NISCH: variants seen among roughly 807,000 people sequenced by gnomAD.
NISCH encodes I-1 receptor candidate protein.
In NISCH, 55 loss-of-function variants were observed where a neutral mutation model predicts 138.4. The observed-to-expected ratio is 0.40, with a 90% confidence interval of 0.32 to 0.50. NISCH has a LOEUF of 0.50. Ranked by LOEUF, NISCH falls within the 20% of genes least tolerant of loss-of-function variation. The pLI is 0.71. For missense variants in NISCH, 1,643 were observed against 2,005.5 expected (o/e 0.82, Z 3.45); for synonymous variants, 860 against 861.5 (o/e 1.00, Z 0.03).
At position 52,476,435 on chromosome 3, in the gene NISCH, G is replaced by T. The variant is rs778256025; in HGVS notation, c.766-12G>T. ...CCCGAGTGTGGTGCTCCACACAGAT[G>T]TTTTTATGCAGGAAGTCCTTGTTCC... On this transcript the variant is annotated splice_polypyrimidine_tract_variant and intron_variant, in intron 7 of 20. Transcript: ENST00000345716. The T allele has an allele frequency of 6.2e-7, 1 of 1,613,930 alleles. No individual in the cohort carries two copies. Among genetic ancestry groups the T allele is most frequent in the South Asian group, 1.1e-5 (1 of 91,082 alleles).
rs556456873 is a variant in NISCH, at chr3:52,479,117, C to T, written c.1302+540C>T. On this transcript the variant is annotated intron_variant, in intron 11 of 20. Transcript: ENST00000345716. ...ACCTCCCTCTTTGTGGCCGCAAGTG[C>T]CCCTTCCTCCACACAGTCACAAGAC... 3.9e-5 allele frequency among the ~76,000 whole-genome samples: 6 copies of T among 152,316 alleles called. No individual in the cohort carries two copies. The East Asian group carries it at 1.2e-3, about 29-fold the overall frequency.
intron 13 of NISCH, among the ~76,000 whole-genome samples, chr3:52,483,522 A>G (rs1208269687): frequency 6.6e-6 from 1 of 152,244 alleles, no homozygotes; most frequent in Non-Finnish European, 1.5e-5. Context: ...CTACGTTCAT[A>G]AAACAGCTTC....
At chr3:52,473,857 G>T (rs907067001) in intron 7 of NISCH, 28 bp downstream of exon 7, 1 of 1,505,808 alleles carries the variant, frequency 6.6e-7, no homozygotes. Flanking sequence ...CCTGCCTGGG[G>T]CAATGTCTGT....
At chr3:52,490,608 C>T in intron 18 of NISCH, 97 bp from the exon 19 acceptor site, 1 of 1,546,420 alleles carries the variant, frequency 6.5e-7, no homozygotes. Flanking sequence ...GAAGCCAGGC[C>T]AGCCAAGAGG....
intron 3 of NISCH, among the ~76,000 whole-genome samples, chr3:52,460,782 A>T (rs910012925): frequency 6.6e-6 from 1 of 152,224 alleles, no homozygotes; most frequent in Non-Finnish European, 1.5e-5. Context: ...TACGTATACC[A>T]AAATGCTAAG....
rs951846935 is a variant in NISCH at position 52,491,221 on chromosome 3, C to CT, written c.3743-128dup. ...TGGCCTCCTCCCGGGCCCCATGATT[C>CT]TTTCCTGTGTGGGCCCTCCTGGCCC... On this transcript the variant is annotated intron_variant, in intron 19 of 20. Transcript: ENST00000345716. The CT allele has an allele frequency of 2.2e-6, 3 of 1,391,434 alleles. No homozygotes were observed. The African/African-American group carries it at 4.4e-5, about 20-fold the overall frequency. 86.2% of individuals were successfully genotyped at this position (1,391,434 alleles called of 1,614,324 possible).
intron 3 of NISCH, among the ~76,000 whole-genome samples, chr3:52,461,720 A>G (rs1173981090): frequency 2.6e-5 from 4 of 152,144 alleles, no homozygotes; most frequent in South Asian, 4.2e-4. Flanking sequence ...AAAATTAGCC[A>G]GGCATGGTGG....
intron 7 of NISCH, among the ~76,000 whole-genome samples, chr3:52,475,193 A>T (rs1484448023): frequency 2.1e-5 from 2 of 97,506 alleles, no homozygotes; most frequent in African/African-American, 9.7e-5. Context: ...CTTGTCTCTT[A>T]AAAAAAAAAA....
chr3:52,463,798 A>G (rs985133325), intron 3 of NISCH, among the ~76,000 whole-genome samples: 2 of 132,284 alleles, frequency 1.5e-5, no homozygotes, highest in African/African-American at 5.9e-5. Context: ...ATCCCGGCTC[A>G]CTGCAACCTC....
chr3:52,484,462 T>TTGGGGCCCCC, intron 13 of NISCH, 51 bp from the exon 14 acceptor site: 36 of 788,666 alleles, frequency 4.6e-5, no homozygotes, highest in Non-Finnish European at 6.0e-5. Flanking sequence ...ACAGCCGCTC[T>TTGGGGCCCCC]CCCCGCCCCA....
rs1196629821 is a variant in NISCH at position 52,478,077 on chromosome 3, T to G, written c.988-20T>G. The G allele has an allele frequency of 6.2e-7, 1 of 1,612,410 alleles. No homozygotes were observed. The highest frequency in any genetic ancestry group is 2.2e-5 in the East Asian group (1 of 44,874). The stretch of plus-strand genomic sequence containing the variant: ...AGACTTGACCTGAGCCACTTTACGC[T>G]GTTCTCCACGCCGCTGCAGCACCTG... On this transcript the variant is annotated intron_variant, in intron 9 of 20. Transcript: ENST00000345716.
At chr3:52,480,942 G>C in intron 13 of NISCH, 1 of 1,527,454 alleles carries the variant, frequency 6.5e-7, no homozygotes, top group Non-Finnish European at 8.8e-7. Context: ...CGGCCCCCAC[G>C]GAAGAGGGGA....
chr3:52,464,577 T>C (rs1023561373), intron 3 of NISCH, among the ~76,000 whole-genome samples: 2 of 125,852 alleles, frequency 1.6e-5, no homozygotes, highest in African/African-American at 3.1e-5. Flanking sequence ...CAAGCTGGAG[T>C]ATAGTGGCGT....
intron 13 of NISCH, among the ~76,000 whole-genome samples, chr3:52,482,964 T>C (rs1265846006): frequency 1.3e-5 from 2 of 151,974 alleles, no homozygotes; most frequent in African/African-American, 4.8e-5. Context: ...CAGGGTAGGA[T>C]GGTGTGGGGC....
At chr3:52,459,416 A>G (rs973721315) in intron 3 of NISCH, among the ~76,000 whole-genome samples, 5 of 152,202 alleles carry the variant, frequency 3.3e-5, no homozygotes, top group Non-Finnish European at 7.3e-5. Context: ...TAAGAAGGGC[A>G]CTTAGGCAGT....
chr3:52,480,458 G>T, intron 13 of NISCH, 163 bp downstream of exon 13: 1 of 1,537,096 alleles, frequency 6.5e-7, no homozygotes, highest in Non-Finnish European at 8.7e-7. Flanking sequence ...GGGACACATG[G>T]CAGGGGTGCC....
chr3:52,482,625 T>C (rs1039032743), intron 13 of NISCH, among the ~76,000 whole-genome samples: 1 of 152,222 alleles, frequency 6.6e-6, no homozygotes. Flanking sequence ...TCTCTGAAAC[T>C]GAGGTGCGTC....
chr3:52,455,838 G>A, intron 1 of NISCH, 104 bp downstream of exon 1: 3 of 813,324 alleles, frequency 3.7e-6, no homozygotes, highest in Non-Finnish European at 5.0e-6. Flanking sequence ...CCGAGGAGCG[G>A]GTAGAAGGGT....
chr3:52,470,366 G>C (rs1320595502), intron 3 of NISCH, among the ~76,000 whole-genome samples: 1 of 152,200 alleles, frequency 6.6e-6, no homozygotes, highest in Non-Finnish European at 1.5e-5. Flanking sequence ...CTTTTCCTGA[G>C]ACACATTTGA....
Sources: allele counts gnomAD v4.1 joint callset (sites outside exome capture counted in the v4.1 genomes callset), GRCh38; gene constraint gnomAD v4.1.1; transcripts MANE v1.5; gene names NCBI Gene and HGNC (gene_info 2026-07-23, HGNC 2026-07-21).